NAV2: variants seen among roughly 807,000 people sequenced by gnomAD.
NAV2 encodes neuron navigator 2.
In NAV2, 54 loss-of-function variants were observed where a neutral mutation model predicts 223.2. The ratio of observed to expected loss-of-function variants is 0.24; its 90% CI spans 0.19 to 0.30. The LOEUF is 0.30. Among genes scored for constraint, NAV2 ranks in the 10% least tolerant of loss-of-function variants. The probability of loss-of-function intolerance (pLI) is 1.00; values close to 1 mark genes in which losing one functional copy is unlikely to be tolerated. For missense variants in NAV2, 2,806 were observed against 3,147.5 expected (o/e 0.89, Z 2.60); for synonymous variants, 1,279 against 1,239.3 (o/e 1.03, Z -0.67).
intron 1 of NAV2, among the ~76,000 whole-genome samples, chr11:19,521,175 GTCAT>G (rs1335985335): frequency 6.6e-6 from 1 of 152,126 alleles, no homozygotes; most frequent in African/African-American, 2.4e-5. Context: ...TTCCACTTGG[GTCAT>G]TCATAGTGGG....
Position 19,862,574 on chromosome 11 carries a change from A to G in NAV2, c.439-6351A>G, listed in dbSNP as rs183434563. 2.2e-3 allele frequency among the ~76,000 whole-genome samples: 333 copies of G among 152,260 alleles called. 1 individual carries two copies. The highest frequency in any genetic ancestry group is 7.5e-3 in the African/African-American group (310 of 41,554). On this transcript the variant is annotated intron_variant, in intron 3 of 37. Transcript: ENST00000349880. ...AGGGCAGGCCCTGATGCTCCCGAAT[A>G]TTTCCATACCTAGGAGAATTGGAAG...
At chr11:20,111,025 C>T (rs2062590713) in intron 36 of NAV2, among the ~76,000 whole-genome samples, 1 of 152,154 alleles carries the variant, frequency 6.6e-6, no homozygotes. Context: ...TAGCCCCTCC[C>T]ACAGGTACAC....
chr11:19,828,754 G>A (rs1463620644), intron 1 of NAV2, among the ~76,000 whole-genome samples: 1 of 152,154 alleles, frequency 6.6e-6, no homozygotes, highest in Non-Finnish European at 1.5e-5. Context: ...GGGAAGTGGG[G>A]AGCCATTGAT....
chr11:19,903,419 C>A (rs569561321), intron 6 of NAV2, among the ~76,000 whole-genome samples: 1 of 152,234 alleles, frequency 6.6e-6, no homozygotes, highest in African/African-American at 2.4e-5. Context: ...TTTATGATGG[C>A]AAGGCTCCCC....
chr11:19,849,902 C>T (rs544535875), intron 3 of NAV2, among the ~76,000 whole-genome samples: 4 of 152,284 alleles, frequency 2.6e-5, no homozygotes, highest in South Asian at 4.1e-4. Flanking sequence ...ACAACCTCCA[C>T]GTCTGTCTGT....
intron 22 of NAV2, among the ~76,000 whole-genome samples, chr11:20,073,368 T>C (rs1016704273): frequency 6.6e-6 from 1 of 152,246 alleles, no homozygotes; most frequent in Non-Finnish European, 1.5e-5. Flanking sequence ...CACATTGATG[T>C]TCATCAAGGA....
chr11:19,963,682 A>G (rs879411777), intron 10 of NAV2, among the ~76,000 whole-genome samples: 4 of 152,216 alleles, frequency 2.6e-5, no homozygotes, highest in Non-Finnish European at 5.9e-5. Context: ...AAGCAATATT[A>G]TGTGTTTAAT....
chr11:19,714,586 C>T (rs1277265986), intron 1 of NAV2: 2 of 403,824 alleles, frequency 5.0e-6, no homozygotes, highest in Admixed American at 2.6e-5. Context: ...AGACTCCTAG[C>T]GCCTTGGCTG....
At chr11:19,363,865 T>G (rs1219973812) in intron 1 of NAV2, among the ~76,000 whole-genome samples, 1 of 152,120 alleles carries the variant, frequency 6.6e-6, no homozygotes, top group African/African-American at 2.4e-5. Flanking sequence ...ACTTGGAAAA[T>G]GGCAAATGGA....
chr11:19,848,661 C>A (rs1311105928), intron 3 of NAV2, among the ~76,000 whole-genome samples: 1 of 152,194 alleles, frequency 6.6e-6, no homozygotes, highest in East Asian at 1.9e-4. Flanking sequence ...AGACAATCTA[C>A]ATGAAGTGCT....
intron 1 of NAV2, among the ~76,000 whole-genome samples, chr11:19,372,172 C>T (rs1033396099): frequency 6.6e-6 from 1 of 152,184 alleles, no homozygotes; most frequent in African/African-American, 2.4e-5. Flanking sequence ...CTAAAGGCAT[C>T]ATGTTTCTCT....
intron 1 of NAV2, among the ~76,000 whole-genome samples, chr11:19,521,449 G>A (rs556646965): frequency 6.6e-6 from 1 of 152,292 alleles, no homozygotes; most frequent in Non-Finnish European, 1.5e-5. Context: ...TAGTTTCTGA[G>A]TTTTGGGTAA....
chr11:20,051,196 T>C, intron 16 of NAV2, 93 bp from the exon 17 acceptor site: 1 of 1,020,478 alleles, frequency 9.8e-7, no homozygotes, highest in Non-Finnish European at 1.6e-6. Flanking sequence ...CACCTCTTTC[T>C]CCAGGGCCCT....
chr11:19,938,927 A>G (rs1177340289), intron 7 of NAV2, among the ~76,000 whole-genome samples: 2 of 152,212 alleles, frequency 1.3e-5, no homozygotes, highest in Non-Finnish European at 2.9e-5. Context: ...TGCGTTAATA[A>G]TGTTACATGC....
rs1025760331 is a variant in NAV2, at chr11:20,045,339, C to T, written c.3571C>T (p.Arg1191Trp). ...AAGCTCCCGGACAAACCTTCAGTAC[C>T]GGAGTTTGCCGAGGCCCAGTAAGTC... Reference protein sequence around the residue: ...ALSSRTNLQYRSLPRPSKSNS... With the variant: ...ALSSRTNLQYWSLPRPSKSNS... Residue 1191 changes from arginine (R) to tryptophan (W), a missense_variant, in exon 14 of 38, where the codon CGG (arginine) becomes TGG (tryptophan). Coordinates refer to ENST00000349880, the MANE Select transcript of NAV2 (RefSeq NM_145117.5). 2.5e-6 allele frequency: 4 copies of T among 1,613,968 alleles called. No individual in the cohort carries two copies. The highest frequency in any genetic ancestry group is 3.4e-6 in the Non-Finnish European group (4 of 1,180,014).
chr11:19,836,533 C>G (rs1012659662), intron 2 of NAV2, among the ~76,000 whole-genome samples: 1 of 144,570 alleles, frequency 6.9e-6, no homozygotes, highest in African/African-American at 2.6e-5. Context: ...GTCCGCAGTC[C>G]GGCCTGGGCG....
chr11:19,909,436 G>A lies in NAV2; in HGVS notation c.931+16842G>A, dbSNP rs74517024. Among the ~76,000 whole-genome samples the A allele has an allele frequency of 4.8e-3, 732 of 152,294 alleles. 10 individuals carry two copies. The highest frequency in any genetic ancestry group is 0.017 in the African/African-American group (687 of 41,538). On this transcript the variant is annotated intron_variant, in intron 6 of 37. Coordinates refer to ENST00000349880, the MANE Select transcript of NAV2 (RefSeq NM_145117.5). ...TTTGGTGCTGGCCTAGGAATTTTAAGTAATGCCTGAGACGTTTATCTTTCT... is the reference window on the plus strand; with the variant it reads ...TTTGGTGCTGGCCTAGGAATTTTAAATAATGCCTGAGACGTTTATCTTTCT...
intron 1 of NAV2, among the ~76,000 whole-genome samples, chr11:19,528,706 C>A (rs1365314267): frequency 6.6e-6 from 1 of 152,176 alleles, no homozygotes; most frequent in South Asian, 2.1e-4. Context: ...CTGAGATGGG[C>A]AGATCACGAG....
chr11:19,932,861 TTC>T (rs2045509729), intron 6 of NAV2, among the ~76,000 whole-genome samples: 2 of 152,222 alleles, frequency 1.3e-5, no homozygotes, highest in African/African-American at 4.8e-5. Flanking sequence ...CGGTAGGTAT[TTC>T]CTACTCTCTC....
Sources: gnomAD v4.1 joint callset for allele counts (sites outside exome capture counted in the v4.1 genomes callset) on GRCh38, gnomAD v4.1.1 for gene constraint, MANE v1.5 for transcripts, NCBI Gene and HGNC (gene_info 2026-07-23, HGNC 2026-07-21) for gene names.